The following MCU variants were observed in gnomAD, a reference collection of about 807,000 sequenced individuals.
MCU encodes calcium uniporter protein, mitochondrial.
MCU carries 12 observed loss-of-function variants against 45.2 expected under a neutral mutation model. The ratio of observed to expected loss-of-function variants is 0.27; its 90% CI spans 0.17 to 0.43. The LOEUF is 0.43. MCU is among the 20% of genes least tolerant of loss of function. The pLI is 1.00. For synonymous variants in MCU, 160 were observed against 165.1 expected (o/e 0.97, Z 0.24); for missense variants, 324 against 436.7 (o/e 0.74, Z 2.30).
intron 1 of MCU, among the ~76,000 whole-genome samples, chr10:72,705,854 G>A (rs554594041): frequency 5.3e-5 from 8 of 151,714 alleles, no homozygotes; most frequent in Non-Finnish European, 8.8e-5. Flanking sequence ...GGGTGCACAC[G>A]CCTGTAATTC....
intron 1 of MCU, chr10:72,712,282 T>C (rs1038172453): frequency 2.6e-5 from 4 of 152,216 alleles, no homozygotes; most frequent in Admixed American, 2.0e-4. Flanking sequence ...TGTCCTCGTT[T>C]ATCATATTCC....
Position 72,871,506 on chromosome 10 carries a change from A to G in MCU, c.787A>G (p.Met263Val). 1 of 1,614,224 alleles carries G rather than the reference A, an allele frequency of 6.2e-7. No homozygotes were observed. The highest frequency in any genetic ancestry group is 1.1e-5 in the South Asian group (1 of 91,092). The change falls in exon 6 of 8, where the codon ATG (methionine) becomes GTG (valine). Residue 263 changes from methionine to valine, a missense_variant. This residue lies in a region of MCU where 2 missense variants were observed against 17.7 expected (regional missense o/e 0.11). Coordinates refer to ENST00000373053, the MANE Select transcript of MCU (RefSeq NM_138357.3). ...CTGGTGGGAATATTCCTGGGACATC[A>G]TGGAGCCAGTAACATACTTCATCAC... is the stretch of plus-strand genomic sequence containing the variant. ...LTWWEYSWDIMEPVTYFITYG... is the reference protein window; with the variant it reads ...LTWWEYSWDIVEPVTYFITYG...
At chr10:72,837,840 G>A (rs1392545854) in intron 2 of MCU, among the ~76,000 whole-genome samples, 1 of 151,320 alleles carries the variant, frequency 6.6e-6, no homozygotes, top group Non-Finnish European at 1.5e-5. Flanking sequence ...AGAGTGAAAG[G>A]AGATGCCCAA....
intron 1 of MCU, among the ~76,000 whole-genome samples, chr10:72,759,511 G>C (rs575684031): frequency 1.3e-5 from 2 of 151,970 alleles, no homozygotes; most frequent in South Asian, 2.1e-4. Flanking sequence ...GCAGAAATTG[G>C]GCATAAGACA....
intron 1 of MCU, among the ~76,000 whole-genome samples, chr10:72,753,397 CT>C (rs1254012329): frequency 3.3e-5 from 5 of 152,128 alleles, no homozygotes; most frequent in African/African-American, 9.7e-5. Flanking sequence ...AGTTTATAAA[CT>C]GCTTGTTCAT....
intron 1 of MCU, among the ~76,000 whole-genome samples, chr10:72,698,885 C>T (rs1842721676): frequency 6.6e-6 from 1 of 152,094 alleles, no homozygotes; most frequent in African/African-American, 2.4e-5. Flanking sequence ...CTCACCGCAG[C>T]CTTGAACTCC....
At chr10:72,805,464 G>C (rs889517740) in intron 1 of MCU, among the ~76,000 whole-genome samples, 18 of 151,530 alleles carry the variant, frequency 1.2e-4, no homozygotes, top group African/African-American at 4.4e-4. Context: ...GTCCAGGGTG[G>C]TTGAACTCCC....
intron 2 of MCU, among the ~76,000 whole-genome samples, chr10:72,849,310 A>G (rs1016356540): frequency 7.2e-5 from 11 of 151,736 alleles, no homozygotes; most frequent in Non-Finnish European, 5.9e-5. Context: ...ATGAAAGCAC[A>G]TGATGACTGA....
intron 2 of MCU, among the ~76,000 whole-genome samples, chr10:72,835,031 G>A (rs1844936320): frequency 1.3e-5 from 2 of 152,138 alleles, no homozygotes; most frequent in Admixed American, 6.6e-5. Flanking sequence ...TAACCATTGG[G>A]TCTTCACATT....
At chr10:72,879,765 G>A (rs1845672450) in intron 6 of MCU, among the ~76,000 whole-genome samples, 1 of 152,098 alleles carries the variant, frequency 6.6e-6, no homozygotes. Context: ...GCAACAACAG[G>A]CCGGGCTAAG....
At chr10:72,857,490 G>A (rs935207594) in intron 2 of MCU, among the ~76,000 whole-genome samples, 1 of 152,016 alleles carries the variant, frequency 6.6e-6, no homozygotes, top group East Asian at 1.9e-4. Context: ...TGCCCACCTC[G>A]GCCTCCCAAA....
chr10:72,782,623 C>G (rs1247057846), intron 1 of MCU, among the ~76,000 whole-genome samples: 1 of 152,242 alleles, frequency 6.6e-6, no homozygotes, highest in Non-Finnish European at 1.5e-5. Context: ...CCGCCTTGGC[C>G]TCCCAAAGTG....
intron 1 of MCU, among the ~76,000 whole-genome samples, chr10:72,825,697 T>C (rs896875086): frequency 1.3e-5 from 2 of 152,226 alleles, no homozygotes; most frequent in Admixed American, 6.5e-5. Flanking sequence ...CCCATAGCAT[T>C]AAGTAGGCCC....
At chr10:72,794,237 C>G (rs1159167899) in intron 1 of MCU, among the ~76,000 whole-genome samples, 1 of 152,164 alleles carries the variant, frequency 6.6e-6, no homozygotes, top group East Asian at 1.9e-4. Flanking sequence ...GGTAAGTTAT[C>G]TGCCCCACAT....
intron 1 of MCU, among the ~76,000 whole-genome samples, chr10:72,782,974 T>C (rs1051385528): frequency 6.6e-6 from 1 of 152,236 alleles, no homozygotes; most frequent in Non-Finnish European, 1.5e-5. Flanking sequence ...CAGTTGAGGC[T>C]TAAATATGAG....
At position 72,728,766 on chromosome 10, in the gene MCU, T is replaced by C. The variant is rs115087520; in HGVS notation, c.150+36465T>C. 3.9e-3 allele frequency among the ~76,000 whole-genome samples: 590 copies of C among 152,298 alleles called. 7 individuals are homozygous for C. The highest frequency in any genetic ancestry group is 0.013 in the African/African-American group (541 of 41,538). On this transcript the variant is annotated intron_variant, in intron 1 of 7. Coordinates refer to ENST00000373053, the MANE Select transcript of MCU (RefSeq NM_138357.3). ...CTTATTTCCTTTCCTACTCTGAGAA[T>C]GACTTGTTGAGAGTAGGGATGAAAT...
intron 1 of MCU, among the ~76,000 whole-genome samples, chr10:72,722,415 T>C (rs1843035892): frequency 6.6e-6 from 1 of 151,752 alleles, no homozygotes; most frequent in Admixed American, 6.6e-5. Flanking sequence ...TCTTTTCTGT[T>C]TTATTAAGGA....
intron 1 of MCU, among the ~76,000 whole-genome samples, chr10:72,695,163 C>T (rs750531254): frequency 1.3e-5 from 2 of 152,180 alleles, no homozygotes; most frequent in Non-Finnish European, 2.9e-5. Flanking sequence ...CAAACTATTT[C>T]GTCTCTGATT....
At chr10:72,711,533 T>A (rs972326832) in intron 1 of MCU, among the ~76,000 whole-genome samples, 2 of 149,998 alleles carry the variant, frequency 1.3e-5, no homozygotes, top group Non-Finnish European at 3.0e-5. Context: ...TTTTTTTTTT[T>A]CCCTCTTAAT....
Sources: allele counts gnomAD v4.1 joint callset (sites outside exome capture counted in the v4.1 genomes callset), GRCh38; gene constraint gnomAD v4.1.1; regional missense constraint gnomAD v4.1.1; transcripts MANE v1.5; gene names NCBI Gene and HGNC (gene_info 2026-07-23, HGNC 2026-07-21).